FHL5: variants seen among roughly 807,000 people sequenced by gnomAD.
FHL5 encodes four and a half LIM domains protein 5.
FHL5 carries 33 observed loss-of-function variants against 32.0 expected under a neutral mutation model. The ratio of observed to expected loss-of-function variants is 1.03; its 90% CI spans 0.78 to 1.38. FHL5 has a LOEUF of 1.38. FHL5 is among the 40% of genes most tolerant of loss of function. The probability of loss-of-function intolerance (pLI) is 0.00; values close to 1 mark genes in which losing one functional copy is unlikely to be tolerated. For synonymous variants in FHL5, 114 were observed against 113.6 expected, an observed-to-expected ratio of 1.00 and a Z score of -0.02; for missense variants, 336 against 343.9, an observed-to-expected ratio of 0.98 and a Z score of 0.18.
rs924310232 is a variant in FHL5, at chr6:96,591,946, A to G, written c.-12-11656A>G. 2.6e-5 allele frequency among the ~76,000 whole-genome samples: 4 copies of G among 152,246 alleles called. No homozygotes were observed. The East Asian group carries it at 7.7e-4, about 29-fold the overall frequency. On this transcript the variant is annotated intron_variant, in intron 1 of 5. Coordinates refer to ENST00000450218, the MANE Select transcript of FHL5 (RefSeq NM_001322466.2). ...TTCAATGGGGAGGGAGTGTACGAAT[A>G]GGGTGTGGGTCACAGAGATCAGGTA...
At chr6:96,562,955 A>C (rs769176376), upstream of FHL5, among the ~76,000 whole-genome samples, 3 of 152,138 alleles carry the variant, frequency 2.0e-5, no homozygotes, top group Non-Finnish European at 4.4e-5. Context: ...AGTTAGTGGA[A>C]ATTTCTCAAG....
In FHL5 at chr6:96,585,370, C is replaced by A. The variant is rs113946413; in HGVS notation, c.-12-18232C>A. The stretch of plus-strand genomic sequence containing the variant: ...GCAATTGGGATAGCCATGCGGCAAT[C>A]CCAGCTGAGCATAGATATATTTATA... On this transcript the variant is annotated intron_variant, in intron 1 of 5. Coordinates refer to ENST00000450218, the MANE Select transcript of FHL5 (RefSeq NM_001322466.2). Among the ~76,000 whole-genome samples the A allele has an allele frequency of 4.7e-3, 710 of 152,242 alleles. 7 individuals carry two copies. Among genetic ancestry groups the A allele is most frequent in the African/African-American group, 0.014 (562 of 41,550 alleles).
chr6:96,606,609 T>C (rs567403073), intron 4 of FHL5, among the ~76,000 whole-genome samples: 2 of 152,150 alleles, frequency 1.3e-5, no homozygotes, highest in East Asian at 3.9e-4. Flanking sequence ...GCCTTGGCCT[T>C]CCAAAGTACT....
chr6:96,603,819 C>T (rs751676909), intron 2 of FHL5, 47 bp downstream of exon 2: 1 of 1,508,162 alleles, frequency 6.6e-7, no homozygotes. Context: ...GAACAGCAAA[C>T]AAGTGGGTTG....
intron 4 of FHL5, among the ~76,000 whole-genome samples, chr6:96,609,825 A>G (rs896163433): frequency 1.3e-5 from 2 of 152,192 alleles, no homozygotes; most frequent in Non-Finnish European, 2.9e-5. Flanking sequence ...CTAGCTCACT[A>G]TGGCCATGGC....
intron 2 of FHL5, among the ~76,000 whole-genome samples, chr6:96,604,377 T>C (rs553553065): frequency 7.3e-4 from 111 of 152,220 alleles, no homozygotes; most frequent in African/African-American, 2.6e-3. Context: ...TTAGGTGATG[T>C]TATTTTTTGT....
intron 5 of FHL5, 26 bp downstream of exon 5, chr6:96,610,784 A>G (rs1771390413): frequency 2.6e-6 from 4 of 1,514,690 alleles, no homozygotes; most frequent in Non-Finnish European, 2.7e-6. Context: ...CAATATGATC[A>G]TGCCATGAGA....
At chr6:96,610,074 AAAG>A (rs754511300) in intron 4 of FHL5, among the ~76,000 whole-genome samples, 1 of 152,342 alleles carries the variant, frequency 6.6e-6, no homozygotes, top group South Asian at 2.1e-4. Flanking sequence ...CATTCAGGAA[AAAG>A]AAGAATTCTT....
At chr6:96,574,439 T>C (rs1770544638) in intron 1 of FHL5, among the ~76,000 whole-genome samples, 1 of 152,226 alleles carries the variant, frequency 6.6e-6, no homozygotes, top group African/African-American at 2.4e-5. Context: ...TGTGGCTGTG[T>C]TCCAATAAAA....
chr6:96,586,251 T>G (rs1770795134), intron 1 of FHL5, among the ~76,000 whole-genome samples: 2 of 152,224 alleles, frequency 1.3e-5, no homozygotes, highest in African/African-American at 4.8e-5. Flanking sequence ...ATACTATTAC[T>G]TATTCATGAT....
At chr6:96,601,265 T>C (rs371795596) in intron 1 of FHL5, among the ~76,000 whole-genome samples, 8 of 150,192 alleles carry the variant, frequency 5.3e-5, no homozygotes, top group African/African-American at 2.5e-5. Flanking sequence ...ACCCGGGAAG[T>C]AGAGGTTGCA....
At chr6:96,589,251 T>G (rs1450843371) in intron 1 of FHL5, among the ~76,000 whole-genome samples, 1 of 152,166 alleles carries the variant, frequency 6.6e-6, no homozygotes, top group African/African-American at 2.4e-5. Flanking sequence ...GTTCTTATAT[T>G]GTTTACAACA....
chr6:96,578,535 A>C (rs1352055815), intron 1 of FHL5, among the ~76,000 whole-genome samples: 1 of 152,134 alleles, frequency 6.6e-6, no homozygotes, highest in Non-Finnish European at 1.5e-5. Context: ...CTAGTCTAAA[A>C]AGAAGCTTGT....
At position 96,617,031 on chromosome 6, in the gene FHL5, A is replaced by C. The variant is rs1018911908; in HGVS notation, c.*1259A>C. The stretch of plus-strand genomic sequence containing the variant: ...TAAGCAACTGTCCTATAAGTCAGTC[A>C]GTGTTTATTGATCACACAGGAAGTA... On this transcript the variant is annotated 3_prime_UTR_variant, in exon 6 of 6. Transcript: ENST00000450218. Among the ~76,000 whole-genome samples, 2 of 152,258 alleles carry C rather than the reference A, an allele frequency of 1.3e-5. No homozygotes were observed. The highest frequency in any genetic ancestry group is 3.4e-3 in the Middle Eastern group (1 of 294).
intron 1 of FHL5, among the ~76,000 whole-genome samples, chr6:96,566,050 T>C (rs2127957216): frequency 1.3e-5 from 2 of 152,214 alleles, no homozygotes; most frequent in African/African-American, 4.8e-5. Context: ...ATACAATAAA[T>C]TGCTAATTAT....
intron 1 of FHL5, among the ~76,000 whole-genome samples, chr6:96,571,378 T>C (rs1345498769): frequency 6.6e-6 from 1 of 152,222 alleles, no homozygotes; most frequent in Admixed American, 6.5e-5. Flanking sequence ...GGGGTCCTCC[T>C]ATTCTGGTTT....
At chr6:96,594,709 G>C (rs965173828) in intron 1 of FHL5, among the ~76,000 whole-genome samples, 6 of 151,778 alleles carry the variant, frequency 4.0e-5, no homozygotes, top group Non-Finnish European at 8.8e-5. Context: ...CTTCTTTTGT[G>C]ATGTCTCAGT....
At chr6:96,594,654 C>G (rs553797599) in intron 1 of FHL5, among the ~76,000 whole-genome samples, 224 of 152,046 alleles carry the variant, frequency 1.5e-3, no homozygotes, top group Non-Finnish European at 2.2e-3. Flanking sequence ...GAAAGTTTAA[C>G]CACTCATTTG....
intron 1 of FHL5, among the ~76,000 whole-genome samples, chr6:96,602,422 G>GTTTT (rs1562062430): frequency 3.8e-4 from 10 of 26,580 alleles, no homozygotes; most frequent in African/African-American, 1.1e-4. Context: ...TATATGCGTT[G>GTTTT]TTTCTTTTTT....
Sources: allele counts gnomAD v4.1 joint callset (sites outside exome capture counted in the v4.1 genomes callset), GRCh38; gene constraint gnomAD v4.1.1; transcripts MANE v1.5; gene names NCBI Gene and HGNC (gene_info 2026-07-23, HGNC 2026-07-21).